Variants in KCTD16 observed in about 807,000 individuals in gnomAD.
The protein encoded by KCTD16 is potassium channel tetramerization domain containing 16, also known as BTB/POZ domain-containing protein KCTD16.
A neutral mutation model predicts 33.2 loss-of-function variants in KCTD16; 13 were observed. That is an observed-to-expected ratio of 0.39 (90% confidence interval 0.25 to 0.62). The LOEUF is 0.62. KCTD16 is among the 20% of genes least tolerant of loss of function. KCTD16 has a pLI of 0.50. For synonymous variants in KCTD16, 197 were observed against 195.3 expected (o/e 1.01, Z -0.07); for missense variants, 441 against 525.1 (o/e 0.84, Z 1.57).
chr5:144,304,269 A>G (rs1751528460), intron 3 of KCTD16, among the ~76,000 whole-genome samples: 1 of 152,212 alleles, frequency 6.6e-6, no homozygotes, highest in African/African-American at 2.4e-5. Flanking sequence ...GGGGAAAGGA[A>G]AGGACAGTGT....
intron 3 of KCTD16, among the ~76,000 whole-genome samples, chr5:144,405,107 T>TC (rs780381585): frequency 6.6e-6 from 1 of 152,224 alleles, no homozygotes; most frequent in Non-Finnish European, 1.5e-5. Flanking sequence ...TGAACTTAAG[T>TC]AATTTGCCCA....
intron 2 of KCTD16, among the ~76,000 whole-genome samples, chr5:144,200,522 A>T (rs1653743364): frequency 6.6e-6 from 1 of 152,230 alleles, no homozygotes; most frequent in Non-Finnish European, 1.5e-5. Flanking sequence ...ATTACTTCCT[A>T]GAATGTCTGA....
chr5:144,437,759 T>C (rs1404456882), intron 3 of KCTD16, among the ~76,000 whole-genome samples: 1 of 152,202 alleles, frequency 6.6e-6, no homozygotes, highest in Non-Finnish European at 1.5e-5. Flanking sequence ...CATTATTATT[T>C]TCTTTACCTA....
intron 3 of KCTD16, among the ~76,000 whole-genome samples, chr5:144,314,013 A>G (rs541369638): frequency 6.6e-6 from 1 of 152,322 alleles, no homozygotes; most frequent in South Asian, 2.1e-4. Flanking sequence ...TTAAGACCAT[A>G]CAGTGGTAAC....
chr5:144,317,007 T>C (rs930707006), intron 3 of KCTD16, among the ~76,000 whole-genome samples: 1 of 151,552 alleles, frequency 6.6e-6, no homozygotes, highest in African/African-American at 2.4e-5. Context: ...TTTGTATTTT[T>C]AGTAGAGATG....
intron 3 of KCTD16, among the ~76,000 whole-genome samples, chr5:144,241,048 G>GA (rs1754388231): frequency 6.6e-6 from 1 of 152,046 alleles, no homozygotes; most frequent in Non-Finnish European, 1.5e-5. Context: ...TTTCATGCTT[G>GA]GAAGCTACTA....
At chr5:144,353,875 A>AT (rs147619130) in intron 3 of KCTD16, among the ~76,000 whole-genome samples, 2 of 151,368 alleles carry the variant, frequency 1.3e-5, no homozygotes, top group African/African-American at 4.9e-5. Flanking sequence ...CTGGTGTTTT[A>AT]TTTTTTTTTA....
intron 3 of KCTD16, among the ~76,000 whole-genome samples, chr5:144,258,112 A>G (rs1446459464): frequency 6.6e-6 from 1 of 152,204 alleles, no homozygotes; most frequent in Non-Finnish European, 1.5e-5. Context: ...AAAAGACACC[A>G]TGCTAAGTCC....
chr5:144,434,322 C>A (rs1377017699), intron 3 of KCTD16, among the ~76,000 whole-genome samples: 1 of 151,982 alleles, frequency 6.6e-6, no homozygotes, highest in Admixed American at 6.6e-5. Flanking sequence ...TAGAGGTAGT[C>A]ACGTGCTTTT....
At chr5:144,319,975 T>C (rs1175048153) in intron 3 of KCTD16, among the ~76,000 whole-genome samples, 1 of 152,180 alleles carries the variant, frequency 6.6e-6, no homozygotes, top group African/African-American at 2.4e-5. Context: ...CAAAGAGTTA[T>C]ACATTCAACT....
At chr5:144,253,238 T>G (rs969508273) in intron 3 of KCTD16, among the ~76,000 whole-genome samples, 1 of 152,152 alleles carries the variant, frequency 6.6e-6, no homozygotes, top group South Asian at 2.1e-4. Context: ...ATTTATATAG[T>G]GCATAATTAT....
chr5:144,355,458 A>T (rs1751549698), intron 3 of KCTD16, among the ~76,000 whole-genome samples: 1 of 152,128 alleles, frequency 6.6e-6, no homozygotes, highest in African/African-American at 2.4e-5. Context: ...CTTCTGGAGG[A>T]GTACCACCCA....
At chr5:144,185,818 A>G (rs1752714266) in intron 2 of KCTD16, among the ~76,000 whole-genome samples, 1 of 152,218 alleles carries the variant, frequency 6.6e-6, no homozygotes, top group South Asian at 2.1e-4. Context: ...AACAATAGGT[A>G]ACATCAATTT....
intron 3 of KCTD16, among the ~76,000 whole-genome samples, chr5:144,344,189 A>C (rs977935977): frequency 3.9e-5 from 6 of 152,134 alleles, no homozygotes. Context: ...CCTTCCTTAC[A>C]CCTTATACAA....
intron 3 of KCTD16, among the ~76,000 whole-genome samples, chr5:144,383,543 A>T: frequency 3.1e-5 from 2 of 63,912 alleles, no homozygotes; most frequent in African/African-American, 1.4e-4. Context: ...TAGAGGGTGA[A>T]GGAAAAAAAA....
rs150774599 is a variant in KCTD16 at position 144,258,452 on chromosome 5, G to A, written c.832+50906G>A. 3.3e-5 allele frequency among the ~76,000 whole-genome samples: 5 copies of A among 152,226 alleles called. No individual in the cohort carries two copies. In the East Asian group the frequency reaches 5.8e-4, roughly 18 times the overall value. On this transcript the variant is annotated intron_variant, in intron 3 of 3. Coordinates refer to ENST00000512467, the MANE Select transcript of KCTD16 (RefSeq NM_020768.4). ...GTTGCTAACAGGCTTTGTGCTTAAC[G>A]ATCTTTTGTTCAGCTGAAGAGACAA...
chr5:144,351,523 A>G (rs991557739), intron 3 of KCTD16, among the ~76,000 whole-genome samples: 1 of 152,200 alleles, frequency 6.6e-6, no homozygotes, highest in African/African-American at 2.4e-5. Flanking sequence ...TAGAACTACT[A>G]TGTGACCCAA....
rs1013995729 is a variant in KCTD16 at position 144,190,782 on chromosome 5, T to C, written c.-326-15607T>C. Among the ~76,000 whole-genome samples, 5 of 152,244 alleles carry C rather than the reference T, an allele frequency of 3.3e-5. No homozygotes were observed. In the South Asian group the frequency reaches 1.0e-3, roughly 31 times the overall value. On this transcript the variant is annotated intron_variant, in intron 2 of 3. Coordinates refer to ENST00000512467, the MANE Select transcript of KCTD16 (RefSeq NM_020768.4). ...GACATTCTATATGCTTATTCATTTA[T>C]TGTCTAGAATGTGAGCTCTATGAAG...
chr5:144,338,879 C>A (rs556022582), intron 3 of KCTD16, among the ~76,000 whole-genome samples: 2 of 152,254 alleles, frequency 1.3e-5, no homozygotes, highest in East Asian at 3.9e-4. Flanking sequence ...TTATGAGATC[C>A]TTTGGAACCA....
Sources: gnomAD v4.1 joint callset for allele counts (sites outside exome capture counted in the v4.1 genomes callset) on GRCh38, gnomAD v4.1.1 for gene constraint, MANE v1.5 for transcripts, NCBI Gene and HGNC (gene_info 2026-07-23, HGNC 2026-07-21) for gene names.